Variants in SDAD1 observed in about 807,000 individuals in gnomAD.
SDAD1 encodes the protein SDA1 domain containing 1.
SDAD1 carries 79 observed loss-of-function variants against 100.3 expected under a neutral mutation model. The observed-to-expected ratio is 0.79, with a 90% CI of 0.66 to 0.95. The LOEUF (loss-of-function observed/expected upper bound fraction) is 0.95, where lower values mean the gene tolerates loss of function less well. Ranked by LOEUF, SDAD1 falls within the 40% of genes least tolerant of loss-of-function variation. The pLI is 0.00. For synonymous variants in SDAD1, 267 were observed against 271.4 expected (o/e 0.98, Z 0.16); for missense variants, 790 against 810.9 (o/e 0.97, Z 0.31).
chr4:75,959,916 T>C (rs1382091760), intron 17 of SDAD1, 150 bp downstream of exon 17: 4 of 751,392 alleles, frequency 5.3e-6, no homozygotes, highest in Admixed American at 3.8e-5. Context: ...CCATGCTCAA[T>C]TGATCCCCCA....
At chr4:75,957,178 A>G in intron 20 of SDAD1, 147 bp downstream of exon 20, 2 of 645,276 alleles carry the variant, frequency 3.1e-6, no homozygotes, top group East Asian at 5.6e-5. Context: ...TGAACATCTA[A>G]TATCTGTGCA....
At position 75,972,453 on chromosome 4, in the gene SDAD1, T is replaced by C. The variant is rs779110221; in HGVS notation, c.711+864A>G. On this transcript the variant is annotated intron_variant, in intron 8 of 21. Transcript: ENST00000356260. ...AGACTGTTGTCTTCCTTTACAAATA[T>C]GTACATAGTTTACTATGGCATATGT... 1.8e-4 allele frequency among the ~76,000 whole-genome samples: 28 copies of C among 151,652 alleles called. No homozygotes were observed. In the South Asian group the frequency reaches 2.3e-3, roughly 12 times the overall value.
intron 21 of SDAD1, among the ~76,000 whole-genome samples, chr4:75,954,172 G>A (rs28470642): frequency 0.018 from 2,778 of 152,120 alleles, 91 homozygotes; most frequent in African/African-American, 0.064. Context: ...ACGAGGTCAG[G>A]AGATCAAGAC....
chr4:75,986,519 C>G (rs556085796), intron 1 of SDAD1, among the ~76,000 whole-genome samples: 1 of 152,152 alleles, frequency 6.6e-6, no homozygotes, highest in African/African-American at 2.4e-5. Context: ...ACTTTACCTT[C>G]TCTCCTACTA....
At chr4:75,966,499 A>G (rs903902368) in intron 12 of SDAD1, among the ~76,000 whole-genome samples, 1 of 152,162 alleles carries the variant, frequency 6.6e-6, no homozygotes, top group Non-Finnish European at 1.5e-5. Context: ...CACTTAGCAC[A>G]GTGCTTGGTC....
At chr4:75,963,872 T>C (rs1405065124) in intron 14 of SDAD1, among the ~76,000 whole-genome samples, 1 of 152,174 alleles carries the variant, frequency 6.6e-6, no homozygotes, top group African/African-American at 2.4e-5. Flanking sequence ...AGCACTTAGT[T>C]TGCTAATCAA....
intron 1 of SDAD1, among the ~76,000 whole-genome samples, chr4:75,990,274 A>AAC (rs1731164397): frequency 5.0e-5 from 6 of 119,314 alleles, no homozygotes; most frequent in Admixed American, 8.3e-5. Context: ...TGCTTGAGAA[A>AAC]CCCCCCCCCC....
Position 75,950,561 on chromosome 4 carries a change from T to C in SDAD1, c.*189A>G, listed in dbSNP as rs1728575998. On this transcript the variant is annotated 3_prime_UTR_variant, in exon 22 of 22. Transcript: ENST00000356260. The stretch of plus-strand genomic sequence containing the variant: ...AAATGATTTTACATTACCACCACTA[T>C]TTACATTAACATTCCTACCATTAGC... The C allele has an allele frequency of 2.1e-6, 1 of 479,500 alleles. No homozygotes were observed. Among genetic ancestry groups the C allele is most frequent in the South Asian group, 4.8e-5 (1 of 20,732 alleles). 29.7% of individuals were successfully genotyped at this position (479,500 alleles called of 1,614,324 possible). A position where few individuals can be genotyped will look rare whatever the true frequency, so the allele number is the denominator to read the frequency against.
chr4:75,986,295 C>T (rs1291979283), intron 1 of SDAD1, among the ~76,000 whole-genome samples: 2 of 151,988 alleles, frequency 1.3e-5, no homozygotes, highest in Admixed American at 1.3e-4. Context: ...TCAATTAAGC[C>T]CTGCGTGTAC....
At position 75,950,469 on chromosome 4, in the gene SDAD1, G is replaced by A. The variant is rs1046211934; in HGVS notation, c.*281C>T. 3 of 326,120 alleles carry A rather than the reference G, an allele frequency of 9.2e-6. No individual in the cohort carries two copies. In the South Asian group the frequency reaches 1.8e-4, roughly 19 times the overall value. 20.2% of individuals were successfully genotyped at this position (326,120 alleles called of 1,614,324 possible). A position where few individuals can be genotyped will look rare whatever the true frequency, so the allele number is the denominator to read the frequency against. ...TGAGTGAAGGGGTTACAGCTCATTCGTTTTGCATCTACAGTGACAATGAAT... is the reference window on the plus strand; with the variant it reads ...TGAGTGAAGGGGTTACAGCTCATTCATTTTGCATCTACAGTGACAATGAAT... On this transcript the variant is annotated 3_prime_UTR_variant, in exon 22 of 22. Coordinates refer to ENST00000356260, the MANE Select transcript of SDAD1 (RefSeq NM_018115.4).
In SDAD1 at chr4:75,975,998, G is replaced by A. The variant is rs1437154208; in HGVS notation, c.406-3C>T. 1.9e-6 allele frequency: 3 copies of A among 1,584,236 alleles called. No homozygotes were observed. The highest frequency in any genetic ancestry group is 2.7e-5 in the African/African-American group (2 of 74,114). ...GTCACAATATGTGTGTATAAAGTCT[G>A]AGGAAAAGAAACAAAAATATATACA... On this transcript the variant is annotated splice_region_variant and splice_polypyrimidine_tract_variant and intron_variant, in intron 4 of 21. Coordinates refer to ENST00000356260, the MANE Select transcript of SDAD1 (RefSeq NM_018115.4).
At chr4:75,982,311 T>C (rs1730578009) in intron 1 of SDAD1, among the ~76,000 whole-genome samples, 1 of 152,162 alleles carries the variant, frequency 6.6e-6, no homozygotes, top group Admixed American at 6.5e-5. Context: ...GAAGCATGAA[T>C]CCCAAATTCA....
chr4:75,967,781 G>A (rs1402729124), intron 11 of SDAD1, among the ~76,000 whole-genome samples: 1 of 124,598 alleles, frequency 8.0e-6, no homozygotes, highest in Non-Finnish European at 1.8e-5. Context: ...CTCACTCCTG[G>A]TTATATTCTT....
At chr4:75,969,715 G>A (rs986657432) in intron 10 of SDAD1, among the ~76,000 whole-genome samples, 1 of 152,154 alleles carries the variant, frequency 6.6e-6, no homozygotes, top group Non-Finnish European at 1.5e-5. Context: ...CAGAAGCTCA[G>A]GCCCCACCTC....
At chr4:75,959,614 A>C (rs1278700688) in intron 17 of SDAD1, among the ~76,000 whole-genome samples, 5 of 152,168 alleles carry the variant, frequency 3.3e-5, no homozygotes, top group Admixed American at 6.5e-5. Context: ...GGAAAAAAAA[A>C]AAAGATTTGC....
At chr4:75,984,442 C>T (rs1327097287) in intron 1 of SDAD1, among the ~76,000 whole-genome samples, 1 of 152,172 alleles carries the variant, frequency 6.6e-6, no homozygotes, top group Admixed American at 6.6e-5. Flanking sequence ...GCTGGGATTA[C>T]AGGTGTGAGC....
At chr4:75,972,397 G>A (rs1462317374) in intron 8 of SDAD1, among the ~76,000 whole-genome samples, 1 of 149,096 alleles carries the variant, frequency 6.7e-6, no homozygotes, top group Non-Finnish European at 1.5e-5. Context: ...GAAGGTCCGC[G>A]GCTCCAAAAA....
At chr4:75,983,323 G>A (rs1036037607) in intron 1 of SDAD1, among the ~76,000 whole-genome samples, 5 of 152,162 alleles carry the variant, frequency 3.3e-5, no homozygotes, top group African/African-American at 7.2e-5. Context: ...TGGGATGGCT[G>A]GGTCAAATGG....
Position 75,981,431 on chromosome 4 carries a change from G to T in SDAD1, c.235C>A (p.Gln79Lys), listed in dbSNP as rs1232444822. Residue 79 changes from glutamine (Q) to lysine (K), a missense_variant, in exon 3 of 22, where the codon CAA becomes AAA. By Grantham distance (53) the Gln-to-Lys change is moderately conservative. Coordinates refer to ENST00000356260, the MANE Select transcript of SDAD1 (RefSeq NM_018115.4). ...CYPEYLSNFP[Q>K]EVKDLLSCNH... ...CAGGAGAGAAGATCTTTCACCTCTT[G>T]AGGAAAATTACTTAGGTACTCTGGG... The T allele has an allele frequency of 7.4e-6, 12 of 1,613,708 alleles. 1 individual carries two copies. In the South Asian group the frequency reaches 1.3e-4, roughly 18 times the overall value.
Sources: allele counts gnomAD v4.1 joint callset (sites outside exome capture counted in the v4.1 genomes callset), GRCh38; gene constraint gnomAD v4.1.1; transcripts MANE v1.5; gene names NCBI Gene and HGNC (gene_info 2026-07-23, HGNC 2026-07-21).